The following ITLN2 variants were observed in gnomAD, a reference collection of about 807,000 sequenced individuals.
The protein encoded by ITLN2 is intelectin 2.
Under a neutral mutation model 39.4 loss-of-function variants are expected in ITLN2, and 29 were observed. The observed-to-expected ratio is 0.74, with a 90% CI of 0.55 to 1.00. The LOEUF (loss-of-function observed/expected upper bound fraction) is 1.00. Ranked by LOEUF, ITLN2 falls within the 50% of genes least tolerant of loss-of-function variation. The pLI is 0.00. For synonymous variants in ITLN2, 156 were observed against 153.4 expected (o/e 1.02, Z -0.12); for missense variants, 412 against 416.7 (o/e 0.99, Z 0.10).
intron 4 of ITLN2, 93 bp from the exon 5 acceptor site, chr1:160,950,804 G>A (rs1671724439): frequency 5.9e-6 from 9 of 1,535,662 alleles, no homozygotes; most frequent in East Asian, 2.3e-5. Flanking sequence ...TGAGAGCTCT[G>A]GGATCAGTAG....
At chr1:160,948,279 C>T (rs530201248) in intron 6 of ITLN2, among the ~76,000 whole-genome samples, 32 of 152,116 alleles carry the variant, frequency 2.1e-4, no homozygotes, top group Non-Finnish European at 4.1e-4. Context: ...CAAAAGGACC[C>T]AGGTCTGCTT....
intron 7 of ITLN2, among the ~76,000 whole-genome samples, chr1:160,947,193 A>G (rs1671625070): frequency 6.6e-6 from 1 of 152,226 alleles, no homozygotes; most frequent in African/African-American, 2.4e-5. Context: ...AATAAGTTCA[A>G]GGAAAGGTAC....
Position 160,951,025 on chromosome 1 carries a change from G to A in ITLN2, c.441+18C>T, listed in dbSNP as rs2101939609. The A allele has an allele frequency of 1.9e-6, 3 of 1,614,208 alleles. No individual in the cohort carries two copies. The African/African-American group carries it at 4.0e-5, about 22-fold the overall frequency. On this transcript the variant is annotated intron_variant, in intron 4 of 7. Transcript: ENST00000368029. Reference sequence around the variant, plus strand: ...CCACACCTCACCCTCACCCAAGTAGGAGAGAAGTGGCACCAACCTTGTAGT... The same window carrying A: ...CCACACCTCACCCTCACCCAAGTAGAAGAGAAGTGGCACCAACCTTGTAGT...
intron 6 of ITLN2, 86 bp downstream of exon 6, chr1:160,949,960 A>G (rs1036082399): frequency 1.4e-5 from 17 of 1,254,564 alleles, no homozygotes; most frequent in Non-Finnish European, 1.8e-5. Flanking sequence ...AGTAAATACT[A>G]GCAATTATTA....
chr1:160,948,041 G>A lies in ITLN2; in HGVS notation c.722-9C>T. On this transcript the variant is annotated splice_polypyrimidine_tract_variant and intron_variant, in intron 6 of 7. Transcript: ENST00000368029. ...TCCTGCAACAAATTCCCCTGAAAAA[G>A]AAGAGGTGAAGAAACAGCCAAGTAG... 6.2e-7 allele frequency: 1 copy of A among 1,609,126 alleles called. No homozygotes were observed. Among genetic ancestry groups the A allele is most frequent in the Non-Finnish European group, 8.5e-7 (1 of 1,175,618 alleles).
At chr1:160,954,325 A>T in intron 2 of ITLN2, 62 bp downstream of exon 2, 1 of 1,243,068 alleles carries the variant, frequency 8.0e-7, no homozygotes, top group Non-Finnish European at 1.1e-6. Context: ...TACTCCCTCC[A>T]GGCCCTGCAC....
At position 160,947,915 on chromosome 1, in the gene ITLN2, C is replaced by T; in HGVS notation, c.825+14G>A. 3 of 1,582,870 alleles carry T rather than the reference C, an allele frequency of 1.9e-6. No individual in the cohort carries two copies. Among genetic ancestry groups the T allele is most frequent in the Non-Finnish European group, 2.6e-6 (3 of 1,151,736 alleles). On this transcript the variant is annotated intron_variant, in intron 7 of 7. Transcript: ENST00000368029. ...TTCCCCACACGTGGGCCATTGATCTCCCCAAAAACTCACATGCTCAGTGTT... is the reference window on the plus strand; with the variant it reads ...TTCCCCACACGTGGGCCATTGATCTTCCCAAAAACTCACATGCTCAGTGTT...
chr1:160,952,841 G>A (rs1671776427), intron 2 of ITLN2, 108 bp from the exon 3 acceptor site: 1 of 765,758 alleles, frequency 1.3e-6, no homozygotes, highest in East Asian at 2.6e-5. Context: ...GAAGTCCCAG[G>A]AGGTCAGGGA....
At chr1:160,953,567 G>A (rs1257380086) in intron 2 of ITLN2, among the ~76,000 whole-genome samples, 1 of 151,988 alleles carries the variant, frequency 6.6e-6, no homozygotes, top group Non-Finnish European at 1.5e-5. Context: ...AAAATTAGCT[G>A]GGGTGTGGTG....
intron 6 of ITLN2, chr1:160,949,304 G>T (rs1226940362): frequency 6.6e-6 from 1 of 152,186 alleles, no homozygotes; most frequent in Non-Finnish European, 1.5e-5. Context: ...GAAGACAGAT[G>T]CCTTCCTCTT....
At chr1:160,949,253 C>A (rs1415461879) in intron 6 of ITLN2, 2 of 152,146 alleles carry the variant, frequency 1.3e-5, no homozygotes, top group African/African-American at 4.8e-5. Context: ...AACATACAAT[C>A]GGGTTTTACA....
chr1:160,948,122 C>CA, intron 6 of ITLN2, 90 bp from the exon 7 acceptor site: 7 of 1,054,636 alleles, frequency 6.6e-6, no homozygotes, highest in Non-Finnish European at 1.0e-5. Flanking sequence ...TTCCCTAAGC[C>CA]AAAAGCTGAG....
intron 3 of ITLN2, chr1:160,951,532 G>A: frequency 2.0e-6 from 1 of 494,128 alleles, no homozygotes; most frequent in Non-Finnish European, 3.5e-6. Flanking sequence ...AAGAGACAGA[G>A]ATGGTATCTC....
intron 6 of ITLN2, 122 bp downstream of exon 6, chr1:160,949,924 A>G: frequency 3.6e-6 from 3 of 839,998 alleles, no homozygotes; most frequent in Non-Finnish European, 5.6e-6. Flanking sequence ...GTTCCAAGAC[A>G]AGAGTCTGGT....
intron 4 of ITLN2, 134 bp from the exon 5 acceptor site, chr1:160,950,845 CTCCCAGCTGATGA>C: frequency 6.8e-7 from 1 of 1,466,728 alleles, no homozygotes; most frequent in Non-Finnish European, 9.3e-7. Flanking sequence ...AGACACCCCA[CTCCCAGCTGATGA>C]TCCCACCACC....
chr1:160,954,673 ACCTGAG>A lies in ITLN2; in HGVS notation c.15+48_15+53del, dbSNP rs568671646. On this transcript the variant is annotated intron_variant, in intron 1 of 7. Transcript: ENST00000368029. ...GAAACTCTAAATCTCTAAAACTGAG[ACCTGAG>A]CTGGCATCATTGCTCCCACACACAT... The A allele has an allele frequency of 1.9e-4, 306 of 1,601,802 alleles. No homozygotes were observed. The African/African-American group carries it at 3.3e-3, about 17-fold the overall frequency.
At position 160,947,597 on chromosome 1, in the gene ITLN2, G is replaced by A. The variant is rs567407654; in HGVS notation, c.825+332C>T. On this transcript the variant is annotated intron_variant, in intron 7 of 7. Coordinates refer to ENST00000368029, the MANE Select transcript of ITLN2 (RefSeq NM_080878.3). ...GCTTTCTTGGGCAGAGGTCCCTGCG[G>A]CTTTCCGCAGTGCATTGTGTCCCTG... 2.6e-5 allele frequency among the ~76,000 whole-genome samples: 4 copies of A among 152,320 alleles called. No homozygotes were observed. In the South Asian group the frequency reaches 8.3e-4, roughly 32 times the overall value.
chr1:160,951,587 G>A, intron 3 of ITLN2: 1 of 308,302 alleles, frequency 3.2e-6, no homozygotes, highest in Non-Finnish European at 6.0e-6. Context: ...CCAGAAATCA[G>A]CACACGCCAC....
At chr1:160,950,481 C>A in intron 5 of ITLN2, 72 bp downstream of exon 5, 1 of 1,540,854 alleles carries the variant, frequency 6.5e-7, no homozygotes, top group South Asian at 1.2e-5. Flanking sequence ...CAGGACAGAT[C>A]TGCCCCCTAC....
Sources: gnomAD v4.1 joint callset for allele counts (sites outside exome capture counted in the v4.1 genomes callset) on GRCh38, gnomAD v4.1.1 for gene constraint, MANE v1.5 for transcripts, NCBI Gene and HGNC (gene_info 2026-07-23, HGNC 2026-07-21) for gene names.